Variants in GRID2 observed in about 807,000 individuals in gnomAD.
The protein encoded by GRID2 is glutamate receptor ionotropic, delta-2.
A neutral mutation model predicts 114.8 loss-of-function variants in GRID2; 33 were observed. The ratio of observed to expected loss-of-function variants is 0.29; its 90% CI spans 0.22 to 0.38. The LOEUF (loss-of-function observed/expected upper bound fraction) is 0.38. Ranked by LOEUF, GRID2 falls within the 10% of genes least tolerant of loss-of-function variation. The pLI is 1.00. For missense variants in GRID2, 1,184 were observed against 1,257.7 expected (o/e 0.94, Z 0.89); for synonymous variants, 505 against 449.9 (o/e 1.12, Z -1.55).
At chr4:93,172,516 TG>T (rs2149424077) in intron 4 of GRID2, among the ~76,000 whole-genome samples, 1 of 151,344 alleles carries the variant, frequency 6.6e-6, no homozygotes, top group South Asian at 2.1e-4. Context: ...CACTTGAACC[TG>T]GGAGGCACAG....
intron 1 of GRID2, among the ~76,000 whole-genome samples, chr4:92,575,474 T>C (rs780945593): frequency 2.6e-5 from 4 of 152,206 alleles, no homozygotes; most frequent in Non-Finnish European, 5.9e-5. Flanking sequence ...TCTTTGATTT[T>C]GCTGACTTTT....
chr4:93,375,526 T>A (rs1217811979), intron 8 of GRID2, among the ~76,000 whole-genome samples: 3 of 152,070 alleles, frequency 2.0e-5, no homozygotes, highest in Non-Finnish European at 4.4e-5. Flanking sequence ...TTTTTCACTG[T>A]GATGTTGTGT....
chr4:92,783,558 C>T (rs762973412), intron 2 of GRID2, among the ~76,000 whole-genome samples: 2 of 151,960 alleles, frequency 1.3e-5, no homozygotes, highest in African/African-American at 2.4e-5. Flanking sequence ...TAAGTATTCA[C>T]TTACTTAATT....
chr4:92,749,467 A>G (rs1013940813), intron 2 of GRID2, among the ~76,000 whole-genome samples: 30 of 151,242 alleles, frequency 2.0e-4, no homozygotes, highest in African/African-American at 6.8e-4. Flanking sequence ...GGCGCCAGCC[A>G]CCACACCTGG....
At chr4:92,732,328 TATC>T (rs1736367238) in intron 2 of GRID2, among the ~76,000 whole-genome samples, 1 of 152,050 alleles carries the variant, frequency 6.6e-6, no homozygotes, top group African/African-American at 2.4e-5. Context: ...ACTGATTCAG[TATC>T]ATCTAAAATA....
chr4:93,213,377 A>T (rs936358087), intron 5 of GRID2, among the ~76,000 whole-genome samples: 1 of 152,174 alleles, frequency 6.6e-6, no homozygotes, highest in African/African-American at 2.4e-5. Flanking sequence ...AGAGGGCTTA[A>T]TCTTAATACT....
chr4:92,982,957 G>A (rs1033836434), intron 2 of GRID2, among the ~76,000 whole-genome samples: 4 of 152,022 alleles, frequency 2.6e-5, no homozygotes, highest in African/African-American at 7.2e-5. Flanking sequence ...GAGGAAGCAT[G>A]TATTATTGCC....
In GRID2 at chr4:93,601,951, A is replaced by G. The variant is rs1386344521; in HGVS notation, c.2194-24318A>G. ...CTGATCACCATATAGTTTCTTTTTA[A>G]TGACCTTGTGTAATGTGTAATAGAC... is the stretch of plus-strand genomic sequence containing the variant. On this transcript the variant is annotated intron_variant, in intron 13 of 15. Transcript: ENST00000282020. Among the ~76,000 whole-genome samples, 7 of 152,208 alleles carry G rather than the reference A, an allele frequency of 4.6e-5. No individual in the cohort carries two copies. The East Asian group carries it at 1.3e-3, about 29-fold the overall frequency.
chr4:93,578,197 T>C (rs541423203), intron 13 of GRID2, among the ~76,000 whole-genome samples: 2 of 152,216 alleles, frequency 1.3e-5, no homozygotes, highest in Non-Finnish European at 1.5e-5. Context: ...AAGGCTTCTC[T>C]TGTCTGCACG....
intron 2 of GRID2, among the ~76,000 whole-genome samples, chr4:92,983,021 A>G (rs975479060): frequency 6.6e-6 from 1 of 152,098 alleles, no homozygotes; most frequent in African/African-American, 2.4e-5. Context: ...GATTATAGGA[A>G]GCCAAGTATC....
chr4:92,398,855 C>T (rs1364437898), intron 1 of GRID2, among the ~76,000 whole-genome samples: 2 of 152,226 alleles, frequency 1.3e-5, no homozygotes, highest in African/African-American at 4.8e-5. Context: ...ATTTAATAGG[C>T]ATGTTATGAG....
At chr4:93,123,786 CT>C (rs1386415071) in intron 4 of GRID2, among the ~76,000 whole-genome samples, 1 of 152,106 alleles carries the variant, frequency 6.6e-6, no homozygotes, top group Non-Finnish European at 1.5e-5. Context: ...AGTGAGAATT[CT>C]TGACCATTTC....
chr4:93,503,841 AT>A (rs1357163409), intron 12 of GRID2, among the ~76,000 whole-genome samples: 4 of 152,124 alleles, frequency 2.6e-5, no homozygotes, highest in African/African-American at 9.7e-5. Flanking sequence ...TTTAAAAAAA[AT>A]ATTTATTTTG....
chr4:92,327,913 A>G (rs1348285361), intron 1 of GRID2, among the ~76,000 whole-genome samples: 2 of 152,070 alleles, frequency 1.3e-5, no homozygotes, highest in African/African-American at 2.4e-5. Context: ...TATTTACAGT[A>G]AGTCATTTTT....
chr4:92,547,953 A>C (rs2149169500), intron 1 of GRID2, among the ~76,000 whole-genome samples: 1 of 152,328 alleles, frequency 6.6e-6, no homozygotes, highest in South Asian at 2.1e-4. Flanking sequence ...GAAGTAAATA[A>C]AACAAACAGA....
intron 1 of GRID2, among the ~76,000 whole-genome samples, chr4:92,442,348 C>G (rs1404264311): frequency 6.6e-6 from 1 of 152,004 alleles, no homozygotes; most frequent in Non-Finnish European, 1.5e-5. Context: ...GGGTCCTACA[C>G]AGATGGGACA....
intron 1 of GRID2, among the ~76,000 whole-genome samples, chr4:92,479,380 C>G (rs1344015361): frequency 6.6e-6 from 1 of 152,006 alleles, no homozygotes; most frequent in Admixed American, 6.6e-5. Flanking sequence ...CTATTACAAA[C>G]TGTGGTTATA....
intron 14 of GRID2, among the ~76,000 whole-genome samples, chr4:93,723,543 T>C (rs1729575440): frequency 6.6e-6 from 1 of 152,190 alleles, no homozygotes; most frequent in Admixed American, 6.5e-5. Context: ...GTGCAGCTCA[T>C]GTCACTTAAT....
chr4:92,665,753 G>A lies in GRID2; in HGVS notation c.244+75467G>A, dbSNP rs185150321. ...AGTTATTTAAATATAATAGTCCATT[G>A]CCTTCTAGACTGCAGTTTCTGATGA... On this transcript the variant is annotated intron_variant, in intron 2 of 15. Transcript: ENST00000282020. Among the ~76,000 whole-genome samples the A allele has an allele frequency of 1.0e-3, 150 of 149,892 alleles. 4 individuals carry two copies. Among genetic ancestry groups the A allele is most frequent in the Non-Finnish European group, 1.3e-3 (90 of 67,052 alleles).
Sources: gnomAD v4.1 joint callset for allele counts (sites outside exome capture counted in the v4.1 genomes callset) on GRCh38, gnomAD v4.1.1 for gene constraint, MANE v1.5 for transcripts, NCBI Gene and HGNC (gene_info 2026-07-23, HGNC 2026-07-21) for gene names.